Variants in ASAH2 observed in about 807,000 individuals in gnomAD.
ASAH2 encodes the protein neutral ceramidase.
ASAH2 carries 58 observed loss-of-function variants against 82.9 expected under a neutral mutation model. The ratio of observed to expected loss-of-function variants is 0.70; its 90% CI spans 0.57 to 0.87. ASAH2 has a LOEUF of 0.87. ASAH2 is among the 40% of genes least tolerant of loss of function. ASAH2 has a pLI of 0.00. For synonymous variants in ASAH2, 276 were observed against 289.7 expected (o/e 0.95, Z 0.48); for missense variants, 779 against 834.0 (o/e 0.93, Z 0.81).
At chr10:50,207,801 G>A (rs962580414) in intron 12 of ASAH2, among the ~76,000 whole-genome samples, 1 of 151,770 alleles carries the variant, frequency 6.6e-6, no homozygotes, top group Non-Finnish European at 1.5e-5. Flanking sequence ...AACACTTCCT[G>A]ATTCATTCTA....
At chr10:50,235,852 G>C in intron 5 of ASAH2, 36 bp downstream of exon 5, 3 of 1,606,556 alleles carry the variant, frequency 1.9e-6, no homozygotes, top group Non-Finnish European at 2.6e-6. Context: ...TGTAAGCAAT[G>C]GTAAAGAACA....
At chr10:50,200,543 G>A (rs1359365348) in intron 16 of ASAH2, among the ~76,000 whole-genome samples, 1 of 151,980 alleles carries the variant, frequency 6.6e-6, no homozygotes, top group Non-Finnish European at 1.5e-5. Context: ...AACAGTCCCA[G>A]TCCTCAAATA....
chr10:50,199,729 A>T (rs1845090499), intron 16 of ASAH2, among the ~76,000 whole-genome samples: 1 of 150,424 alleles, frequency 6.6e-6, no homozygotes. Context: ...TCATCTTTCC[A>T]GTCTCCCATG....
chr10:50,207,927 C>T (rs1341998743), intron 12 of ASAH2, among the ~76,000 whole-genome samples: 1 of 151,836 alleles, frequency 6.6e-6, no homozygotes, highest in South Asian at 2.1e-4. Flanking sequence ...TACTAGCAAA[C>T]TGAATACAGC....
chr10:50,237,829 T>C (rs1429972595), intron 4 of ASAH2, among the ~76,000 whole-genome samples: 1 of 152,182 alleles, frequency 6.6e-6, no homozygotes, highest in East Asian at 1.9e-4. Context: ...ACACAAAGGA[T>C]AAATGCTTGA....
At chr10:50,207,327 G>A (rs1000060056) in intron 12 of ASAH2, among the ~76,000 whole-genome samples, 5 of 151,506 alleles carry the variant, frequency 3.3e-5, no homozygotes, top group East Asian at 1.9e-4. Flanking sequence ...ATCAGTATTC[G>A]AAAGAAAATC....
intron 16 of ASAH2, among the ~76,000 whole-genome samples, chr10:50,202,089 G>A (rs1245465117): frequency 6.6e-6 from 1 of 151,938 alleles, no homozygotes; most frequent in Non-Finnish European, 1.5e-5. Context: ...TTTTTCAATG[G>A]GAATTCCTAG....
intron 8 of ASAH2, among the ~76,000 whole-genome samples, chr10:50,215,950 G>T (rs2133210660): frequency 6.6e-6 from 1 of 152,182 alleles, no homozygotes; most frequent in Non-Finnish European, 1.5e-5. Flanking sequence ...AGAAAATGTG[G>T]CACATATACA....
At chr10:50,199,789 T>A (rs1219204647) in intron 16 of ASAH2, among the ~76,000 whole-genome samples, 4 of 151,462 alleles carry the variant, frequency 2.6e-5, no homozygotes, top group Non-Finnish European at 4.4e-5. Context: ...TCATCCTGTA[T>A]CCTATCAGTC....
At chr10:50,207,349 G>T (rs1845326779) in intron 12 of ASAH2, among the ~76,000 whole-genome samples, 1 of 151,684 alleles carries the variant, frequency 6.6e-6, no homozygotes, top group Admixed American at 6.6e-5. Context: ...ATTAAACAGT[G>T]AGTAGAAAGA....
chr10:50,235,016 T>A (rs35120341), intron 5 of ASAH2, among the ~76,000 whole-genome samples: 138 of 152,262 alleles, frequency 9.1e-4, no homozygotes, highest in Non-Finnish European at 1.7e-3. Context: ...ACATTTTTCA[T>A]CATAACTTAA....
At chr10:50,199,015 C>T (rs2133197747) in intron 17 of ASAH2, 36 bp downstream of exon 17, 1 of 1,595,124 alleles carries the variant, frequency 6.3e-7, no homozygotes, top group East Asian at 2.2e-5. Flanking sequence ...CACACACACG[C>T]ACGCGCGCAT....
chr10:50,215,781 T>C (rs1279271506), intron 8 of ASAH2, among the ~76,000 whole-genome samples: 1 of 152,172 alleles, frequency 6.6e-6, no homozygotes, highest in Non-Finnish European at 1.5e-5. Context: ...GAACCAGAAA[T>C]ACCATCTAAC....
chr10:50,204,004 G>A, intron 14 of ASAH2, among the ~76,000 whole-genome samples: 1 of 151,948 alleles, frequency 6.6e-6, no homozygotes, highest in East Asian at 1.9e-4. Flanking sequence ...AGCTGAGGTA[G>A]GTAGAAAATA....
At chr10:50,227,325 A>G (rs1283190480) in intron 7 of ASAH2, among the ~76,000 whole-genome samples, 8 of 115,142 alleles carry the variant, frequency 6.9e-5, no homozygotes, top group African/African-American at 2.3e-4. Context: ...CACTGCAAAA[A>G]CAAACAGATA....
intron 9 of ASAH2, 89 bp downstream of exon 9, chr10:50,214,654 C>T: frequency 7.9e-6 from 12 of 1,525,870 alleles, no homozygotes; most frequent in Non-Finnish European, 1.0e-5. Flanking sequence ...TACTAGAAGA[C>T]AAGGTATTTG....
At chr10:50,212,010 G>A (rs990100200) in intron 10 of ASAH2, among the ~76,000 whole-genome samples, 7 of 152,282 alleles carry the variant, frequency 4.6e-5, no homozygotes, top group African/African-American at 1.7e-4. Context: ...ACCCTAAATA[G>A]AATCTGTGAA....
At chr10:50,203,496 T>C (rs1845214222) in intron 15 of ASAH2, 144 bp downstream of exon 15, 2 of 804,304 alleles carry the variant, frequency 2.5e-6, no homozygotes, top group Non-Finnish European at 4.4e-6. Context: ...TAAGTCTGGT[T>C]CTTATACTAC....
At chr10:50,234,961 G>A (rs1320106232) in intron 5 of ASAH2, among the ~76,000 whole-genome samples, 2 of 152,006 alleles carry the variant, frequency 1.3e-5, no homozygotes, top group East Asian at 1.9e-4. Flanking sequence ...TACCACCAAG[G>A]CAGAGTTGTT....
Sources: gnomAD v4.1 joint callset for allele counts (sites outside exome capture counted in the v4.1 genomes callset) on GRCh38, gnomAD v4.1.1 for gene constraint, MANE v1.5 for transcripts, NCBI Gene and HGNC (gene_info 2026-07-23, HGNC 2026-07-21) for gene names.